The following NIM1K variants were observed in gnomAD, a reference collection of about 807,000 sequenced individuals.
The protein encoded by NIM1K is serine/threonine-protein kinase NIM1.
In NIM1K, 35 loss-of-function variants were observed where a neutral mutation model predicts 37.1. The ratio of observed to expected loss-of-function variants is 0.94; its 90% CI spans 0.72 to 1.25. The LOEUF (loss-of-function observed/expected upper bound fraction) is 1.25, where lower values mean the gene tolerates loss of function less well. Among genes scored for constraint, NIM1K ranks in the 50% most tolerant of loss-of-function variants. NIM1K has a pLI of 0.00. For missense variants in NIM1K, 564 were observed against 548.0 expected, an observed-to-expected ratio of 1.03 and a Z score of -0.29; for synonymous variants, 234 against 206.6, an observed-to-expected ratio of 1.13 and a Z score of -1.14.
At chr5:43,262,581 T>G (rs920319888) in intron 2 of NIM1K, among the ~76,000 whole-genome samples, 7 of 152,180 alleles carry the variant, frequency 4.6e-5, no homozygotes, top group African/African-American at 1.7e-4. Context: ...CCTCTTTTCC[T>G]AATTGAATAG....
chr5:43,238,144 G>T (rs775767078), intron 1 of NIM1K, among the ~76,000 whole-genome samples: 4 of 148,700 alleles, frequency 2.7e-5, no homozygotes, highest in African/African-American at 9.9e-5. Flanking sequence ...ACGGGTTCAC[G>T]CCATTCTCCT....
chr5:43,238,590 C>T (rs6873090), intron 1 of NIM1K, among the ~76,000 whole-genome samples: 3 of 151,746 alleles, frequency 2.0e-5, no homozygotes, highest in African/African-American at 7.3e-5. Flanking sequence ...CTTGACTGAA[C>T]ATTTATTCAG....
At chr5:43,255,658 A>T (rs1455810827) in intron 2 of NIM1K, among the ~76,000 whole-genome samples, 1 of 151,686 alleles carries the variant, frequency 6.6e-6, no homozygotes, top group African/African-American at 2.4e-5. Context: ...CTGAGGCAGG[A>T]AAATCGCTTG....
intron 2 of NIM1K, among the ~76,000 whole-genome samples, chr5:43,250,018 A>G (rs1307655998): frequency 6.6e-6 from 1 of 151,444 alleles, no homozygotes; most frequent in Non-Finnish European, 1.5e-5. Flanking sequence ...ACGCCTGGCT[A>G]ATTTTTTGTA....
At chr5:43,198,750 G>A (rs1049679058) in intron 1 of NIM1K, among the ~76,000 whole-genome samples, 2 of 152,204 alleles carry the variant, frequency 1.3e-5, no homozygotes, top group African/African-American at 4.8e-5. Flanking sequence ...AGGTCAGACA[G>A]TCTTGGGCTT....
intron 2 of NIM1K, among the ~76,000 whole-genome samples, chr5:43,255,861 T>A (rs561264004): frequency 6.6e-6 from 1 of 151,386 alleles, no homozygotes; most frequent in African/African-American, 2.4e-5. Flanking sequence ...AGGTAATAAT[T>A]AAACTGAAAG....
chr5:43,252,448 C>T (rs186544288), intron 2 of NIM1K, among the ~76,000 whole-genome samples: 77 of 152,086 alleles, frequency 5.1e-4, no homozygotes, highest in Admixed American at 1.8e-3. Flanking sequence ...AACCAACTTG[C>T]CCAGAATTGT....
intron 1 of NIM1K, among the ~76,000 whole-genome samples, chr5:43,198,539 A>G (rs970283768): frequency 2.0e-5 from 3 of 151,686 alleles, no homozygotes; most frequent in African/African-American, 7.3e-5. Flanking sequence ...AGCGGACTTT[A>G]TTAAGTAATG....
chr5:43,207,292 G>A, intron 1 of NIM1K: 1 of 761,150 alleles, frequency 1.3e-6, no homozygotes, highest in Non-Finnish European at 2.5e-6. Context: ...AGAGAGATGG[G>A]GGCATATTGT....
At chr5:43,208,630 A>G (rs1489718026) in intron 1 of NIM1K, among the ~76,000 whole-genome samples, 1 of 152,164 alleles carries the variant, frequency 6.6e-6, no homozygotes, top group Non-Finnish European at 1.5e-5. Context: ...AGAAAAAAGA[A>G]AAGAGCAAAT....
chr5:43,216,007 C>G (rs999627733), intron 1 of NIM1K, among the ~76,000 whole-genome samples: 2 of 151,320 alleles, frequency 1.3e-5, no homozygotes, highest in Non-Finnish European at 2.9e-5. Context: ...AGGCACTCCC[C>G]GGAGGCTTTT....
intron 3 of NIM1K, among the ~76,000 whole-genome samples, chr5:43,278,679 A>G (rs1458452252): frequency 6.6e-6 from 1 of 152,230 alleles, no homozygotes; most frequent in African/African-American, 2.4e-5. Context: ...TCAGTGAGCC[A>G]CAGTGAACCT....
At chr5:43,219,332 G>T (rs1474729016) in intron 1 of NIM1K, among the ~76,000 whole-genome samples, 2 of 152,066 alleles carry the variant, frequency 1.3e-5, no homozygotes, top group African/African-American at 2.4e-5. Flanking sequence ...TCTTTATTAG[G>T]AGTCTCAGGT....
At position 43,224,459 on chromosome 5, in the gene NIM1K, G is replaced by A. The variant is rs577388086; in HGVS notation, c.-694-20623G>A. On this transcript the variant is annotated intron_variant, in intron 1 of 3. Transcript: ENST00000326035. ...ACTCGTCTCAGAAAAAAAAAAAAAA[G>A]ATTTGTTTTACTGTGGAACTATAAG... Among the ~76,000 whole-genome samples, 21 of 149,986 alleles carry A rather than the reference G, an allele frequency of 1.4e-4. No homozygotes were observed. In the East Asian group the frequency reaches 3.6e-3, roughly 25 times the overall value.
Position 43,245,701 on chromosome 5 carries a change from C to T in NIM1K, c.-75C>T. ...CACCTGCTGTCCTCAGTTGGCATCT[C>T]CCACCCTCTGAGCCTCTTCTGCTCC... On this transcript the variant is annotated 5_prime_UTR_variant, in exon 2 of 4. Coordinates refer to ENST00000326035, the MANE Select transcript of NIM1K (RefSeq NM_153361.4). 1 of 1,423,132 alleles carries T rather than the reference C, an allele frequency of 7.0e-7. No individual in the cohort carries two copies. 88.2% of individuals were successfully genotyped at this position (1,423,132 alleles called of 1,614,324 possible).
intron 2 of NIM1K, among the ~76,000 whole-genome samples, chr5:43,259,283 T>C (rs573745345): frequency 5.8e-4 from 89 of 152,304 alleles, no homozygotes; most frequent in Non-Finnish European, 9.7e-4. Flanking sequence ...AGGGGATTGT[T>C]GGATCAAATG....
chr5:43,192,995 A>G (rs1328179968), intron 1 of NIM1K: 1 of 152,126 alleles, frequency 6.6e-6, no homozygotes, highest in Middle Eastern at 3.2e-3. Flanking sequence ...AAAACCTTCC[A>G]TTGCACCCCA....
chr5:43,257,231 G>A (rs1752959980), intron 2 of NIM1K, among the ~76,000 whole-genome samples: 1 of 152,078 alleles, frequency 6.6e-6, no homozygotes, highest in African/African-American at 2.4e-5. Flanking sequence ...GAAGATTGAA[G>A]CCTGAGAACT....
intron 2 of NIM1K, among the ~76,000 whole-genome samples, chr5:43,266,330 C>A (rs1753158710): frequency 6.6e-6 from 1 of 152,344 alleles, no homozygotes; most frequent in East Asian, 1.9e-4. Context: ...GCGGATGTCC[C>A]TCCACCAGCC....
Sources: gnomAD v4.1 joint callset for allele counts (sites outside exome capture counted in the v4.1 genomes callset) on GRCh38, gnomAD v4.1.1 for gene constraint, MANE v1.5 for transcripts, NCBI Gene and HGNC (gene_info 2026-07-23, HGNC 2026-07-21) for gene names.